LRP1B: variants seen among roughly 807,000 people sequenced by gnomAD.
The protein encoded by LRP1B is LDL receptor related protein 1B.
In LRP1B, 217 loss-of-function variants were observed where a neutral mutation model predicts 556.6. That is an observed-to-expected ratio of 0.39 (90% CI 0.35 to 0.44). The LOEUF is 0.44. Among genes scored for constraint, LRP1B ranks in the 20% least tolerant of loss-of-function variants. The pLI is 1.00. For synonymous variants in LRP1B, 2,047 were observed against 1,865.8 expected (o/e 1.10, Z -2.50); for missense variants, 5,053 against 5,620.8 (o/e 0.90, Z 3.23).
chr2:140,246,672 T>C (rs764981731), intron 87 of LRP1B, among the ~76,000 whole-genome samples: 2 of 151,518 alleles, frequency 1.3e-5, no homozygotes, highest in Non-Finnish European at 3.0e-5. Flanking sequence ...CAATAAAGTC[T>C]GTCTTTCTCC....
At chr2:140,939,201 G>A (rs1376196616) in intron 20 of LRP1B, among the ~76,000 whole-genome samples, 1 of 151,958 alleles carries the variant, frequency 6.6e-6, no homozygotes, top group Non-Finnish European at 1.5e-5. Context: ...TGCATTCCCA[G>A]TATCAAATAT....
chr2:141,976,445 C>T (rs996546512), intron 1 of LRP1B, among the ~76,000 whole-genome samples: 1 of 152,006 alleles, frequency 6.6e-6, no homozygotes, highest in African/African-American at 2.4e-5. Context: ...TTTTGCAAAC[C>T]TAAGAACTCT....
At chr2:140,859,969 T>G (rs1332395461) in intron 27 of LRP1B, among the ~76,000 whole-genome samples, 3 of 152,100 alleles carry the variant, frequency 2.0e-5, no homozygotes, top group Admixed American at 6.5e-5. Context: ...CACTCCAGCC[T>G]GGGTGAAAGA....
chr2:140,898,979 G>C, intron 23 of LRP1B: 1 of 377,562 alleles, frequency 2.6e-6, no homozygotes, highest in Non-Finnish European at 5.2e-6. Context: ...GAAGAGAACT[G>C]TCTTGAGCTC....
At chr2:141,779,609 G>A (rs904999195) in intron 2 of LRP1B, among the ~76,000 whole-genome samples, 1 of 151,608 alleles carries the variant, frequency 6.6e-6, no homozygotes, top group Non-Finnish European at 1.5e-5. Context: ...TAAAGATGGG[G>A]TTTCGCCTCT....
intron 2 of LRP1B, among the ~76,000 whole-genome samples, chr2:141,564,416 T>G (rs1242038643): frequency 6.6e-6 from 1 of 152,110 alleles, no homozygotes; most frequent in African/African-American, 2.4e-5. Context: ...ATTTAGGATA[T>G]TCTTGATCTT....
At chr2:140,279,528 A>G (rs1168463869) in intron 84 of LRP1B, among the ~76,000 whole-genome samples, 2 of 152,034 alleles carry the variant, frequency 1.3e-5, no homozygotes, top group Non-Finnish European at 2.9e-5. Context: ...AATATGTGCC[A>G]TATTTTCATC....
At chr2:141,120,251 G>A (rs982838437) in intron 7 of LRP1B, among the ~76,000 whole-genome samples, 4 of 151,824 alleles carry the variant, frequency 2.6e-5, no homozygotes, top group African/African-American at 9.7e-5. Context: ...CTCAATGAAG[G>A]ATATTCATTT....
intron 2 of LRP1B, among the ~76,000 whole-genome samples, chr2:141,666,879 T>A (rs1690460096): frequency 6.6e-6 from 1 of 152,210 alleles, no homozygotes; most frequent in African/African-American, 2.4e-5. Flanking sequence ...GGTACAGTTT[T>A]CTTCATTAAA....
At chr2:140,236,035 G>C (rs2104877027) in intron 89 of LRP1B, among the ~76,000 whole-genome samples, 2 of 151,032 alleles carry the variant, frequency 1.3e-5, no homozygotes, top group Admixed American at 6.6e-5. Flanking sequence ...CAAATGTAAG[G>C]TTACCAAGAC....
At chr2:140,623,565 C>T (rs1272274611) in intron 41 of LRP1B, among the ~76,000 whole-genome samples, 1 of 152,032 alleles carries the variant, frequency 6.6e-6, no homozygotes, top group Non-Finnish European at 1.5e-5. Flanking sequence ...TCAAAATTTA[C>T]ACAAAATTTT....
intron 3 of LRP1B, among the ~76,000 whole-genome samples, chr2:141,274,860 C>G (rs1163301407): frequency 2.0e-5 from 3 of 152,136 alleles, no homozygotes; most frequent in African/African-American, 7.2e-5. Flanking sequence ...ACTTCTACTT[C>G]TATGCATAGT....
rs1023510648 is a variant in LRP1B, at chr2:140,526,304, A to C, written c.7809T>G (p.Cys2603Trp). 1 of 1,612,088 alleles carries C rather than the reference A, an allele frequency of 6.2e-7. No homozygotes were observed. Among genetic ancestry groups the C allele is most frequent in the Non-Finnish European group, 8.5e-7 (1 of 1,178,674 alleles). ...TVEFRCADGT[C>W]IPRSARCNQN... The stretch of plus-strand genomic sequence containing the variant: ...GGTTGCATCGTGCTGATCTTGGAAT[A>C]CAAGTCCCATCTGCACAGCGGAACT... The change falls in exon 48 of 91, where the codon TGT (cysteine) becomes TGG (tryptophan). Residue 2603 changes from cysteine to tryptophan, a missense_variant. By Grantham distance (215) the Cys-to-Trp change is radical. Coordinates refer to ENST00000389484, the MANE Select transcript of LRP1B (RefSeq NM_018557.3).
chr2:140,305,073 T>C (rs1041268060), intron 83 of LRP1B, among the ~76,000 whole-genome samples: 6 of 152,174 alleles, frequency 3.9e-5, no homozygotes, highest in Non-Finnish European at 1.5e-5. Context: ...GTAGTATAGT[T>C]TGAAGTCAGG....
chr2:141,150,171 C>T (rs1044030996), intron 7 of LRP1B, among the ~76,000 whole-genome samples: 2 of 152,128 alleles, frequency 1.3e-5, no homozygotes, highest in African/African-American at 2.4e-5. Context: ...CTAAGGGACA[C>T]AGACAGTGAC....
chr2:141,586,412 T>C (rs1222172504), intron 2 of LRP1B, among the ~76,000 whole-genome samples: 1 of 152,176 alleles, frequency 6.6e-6, no homozygotes, highest in African/African-American at 2.4e-5. Flanking sequence ...AATGAAAGGC[T>C]GGACTCTATT....
Position 141,136,576 on chromosome 2 carries a change from T to C in LRP1B, c.1013+51845A>G, listed in dbSNP as rs564683176. 2.1e-4 allele frequency among the ~76,000 whole-genome samples: 32 copies of C among 151,196 alleles called. No homozygotes were observed. In the South Asian group the frequency reaches 6.7e-3, roughly 32 times the overall value. ...ATTATTCGAAACAATTTAATAAGTT[T>C]CTACTATGTACCAGGCAATATACAT... On this transcript the variant is annotated intron_variant, in intron 7 of 90. Transcript: ENST00000389484.
intron 25 of LRP1B, among the ~76,000 whole-genome samples, chr2:140,873,746 T>C (rs754250392): frequency 2.0e-4 from 31 of 151,866 alleles, no homozygotes; most frequent in Middle Eastern, 3.2e-3. Flanking sequence ...TTAAATAATA[T>C]ATATTTCATT....
chr2:141,148,173 TG>T (rs1701832652), intron 7 of LRP1B, among the ~76,000 whole-genome samples: 2 of 152,184 alleles, frequency 1.3e-5, no homozygotes, highest in Non-Finnish European at 2.9e-5. Flanking sequence ...AGTTGTGAAT[TG>T]GGCCTTGTGG....
Sources: gnomAD v4.1 joint callset for allele counts (sites outside exome capture counted in the v4.1 genomes callset) on GRCh38, gnomAD v4.1.1 for gene constraint, MANE v1.5 for transcripts, NCBI Gene and HGNC (gene_info 2026-07-23, HGNC 2026-07-21) for gene names.